HSPG2: variants seen among roughly 807,000 people sequenced by gnomAD.
HSPG2 encodes the protein basement membrane-specific heparan sulfate proteoglycan core protein.
Under a neutral mutation model 526.6 loss-of-function variants are expected in HSPG2, and 278 were observed. That is an observed-to-expected ratio of 0.53 (90% CI 0.48 to 0.58). The LOEUF (loss-of-function observed/expected upper bound fraction) is 0.58, where lower values mean the gene tolerates loss of function less well. Ranked by LOEUF, HSPG2 falls within the 20% of genes least tolerant of loss-of-function variation. The pLI is 0.00. For missense variants in HSPG2, 5,354 were observed against 6,099.5 expected (o/e 0.88, Z 4.07); for synonymous variants, 2,465 against 2,555.4 (o/e 0.96, Z 1.07).
At position 21,885,026 on chromosome 1, in the gene HSPG2, G is replaced by A. The variant is rs1641780117; in HGVS notation, c.1342C>T (p.Pro448Ser). 1.2e-6 allele frequency: 2 copies of A among 1,613,822 alleles called. No homozygotes were observed. The highest frequency in any genetic ancestry group is 8.5e-7 in the Non-Finnish European group (1 of 1,180,016). Residue 448 changes from proline to serine, a missense_variant, in exon 11 of 97, where the codon CCC (proline) becomes TCC (serine). Transcript: ENST00000374695. ...CCAGAGCCGCACCTGGGATGAGAGGGGATGTGGCCCCAGTTGAGCCTCCAA... is the reference window on the plus strand; with the variant it reads ...CCAGAGCCGCACCTGGGATGAGAGGAGATGTGGCCCCAGTTGAGCCTCCAA... ...INWRLNWGHIPSHPRVTVTSE... is the reference protein window; with the variant it reads ...INWRLNWGHISSHPRVTVTSE...
Position 21,833,305 on chromosome 1 carries a change from G to C in HSPG2, c.11058C>G (p.Phe3686Leu). 6.2e-7 allele frequency: 1 copy of C among 1,614,122 alleles called. No individual in the cohort carries two copies. Among genetic ancestry groups the C allele is most frequent in the Non-Finnish European group, 8.5e-7 (1 of 1,180,024 alleles). Residue 3686 changes from phenylalanine to leucine, a missense_variant, in exon 80 of 97, where the codon TTC becomes TTG. Phe to Leu is a conservative substitution (Grantham distance 22). Coordinates refer to ENST00000374695, the MANE Select transcript of HSPG2 (RefSeq NM_005529.7). ...CGGGCCGGAAGGTGATCTTGATCTC[G>C]AACTTCCTGTAGGCATCCTTGATGG... ...LPTIKDAYRK[F>L]EIKITFRPDS...
At position 21,833,795 on chromosome 1, in the gene HSPG2, G is replaced by C. The variant is rs777335091; in HGVS notation, c.10830+21C>G. 25 of 1,556,870 alleles carry C rather than the reference G, an allele frequency of 1.6e-5. No individual in the cohort carries two copies. The Middle Eastern group carries it at 5.0e-4, about 31-fold the overall frequency. ...TCCCAGCCCCCAAGTCATGCCCGCTGGTTCCCTCTCCAGCACTTACCTTGC... is the reference window on the plus strand; with the variant it reads ...TCCCAGCCCCCAAGTCATGCCCGCTCGTTCCCTCTCCAGCACTTACCTTGC... On this transcript the variant is annotated intron_variant, in intron 78 of 96. Transcript: ENST00000374695.
Position 21,823,214 on chromosome 1 carries a change from G to T in HSPG2, c.*102C>A. On this transcript the variant is annotated 3_prime_UTR_variant, in exon 97 of 97. Coordinates refer to ENST00000374695, the MANE Select transcript of HSPG2 (RefSeq NM_005529.7). ...GGCGGTAGCAGCAAAGCGTGGCATC[G>T]CCTCGGTTTCTTACAAAAATTCATA... 8.7e-7 allele frequency: 1 copy of T among 1,148,664 alleles called. No individual in the cohort carries two copies. Among genetic ancestry groups the T allele is most frequent in the Non-Finnish European group, 1.2e-6 (1 of 860,074 alleles). 71.2% of individuals were successfully genotyped at this position (1,148,664 alleles called of 1,614,324 possible).
chr1:21,884,511 C>A lies in HSPG2; in HGVS notation c.1654+17G>T. ...CACCTCCCACCTCCCGCAGCGCTCA[C>A]CCGCCCGCCAACGCACCCTTGAAGT... On this transcript the variant is annotated intron_variant, in intron 13 of 96. Coordinates refer to ENST00000374695, the MANE Select transcript of HSPG2 (RefSeq NM_005529.7). 6.2e-7 allele frequency: 1 copy of A among 1,610,960 alleles called. No individual in the cohort carries two copies. The highest frequency in any genetic ancestry group is 1.7e-5 in the Admixed American group (1 of 60,026).
rs1642930897 is a variant in HSPG2 at position 21,898,891 on chromosome 1, A to G, written c.64-2581T>C. On this transcript the variant is annotated intron_variant, in intron 1 of 96. Coordinates refer to ENST00000374695, the MANE Select transcript of HSPG2 (RefSeq NM_005529.7). This position sits in a 1 kb window ranked among gnomAD's most constrained non-coding sequence, Gnocchi z 4.0. ...AAGGAAAACCTAGCGGTGAATGATG[A>G]GCAAGGTCCAGAGCTTTTCCCAGGG... is the stretch of plus-strand genomic sequence containing the variant. Among the ~76,000 whole-genome samples the G allele has an allele frequency of 6.6e-6, 1 of 152,230 alleles. No homozygotes were observed. The highest frequency in any genetic ancestry group is 6.5e-5 in the Admixed American group (1 of 15,288).
intron 21 of HSPG2, 83 bp from the exon 22 acceptor site, chr1:21,876,735 T>A: frequency 1.3e-6 from 2 of 1,581,426 alleles, no homozygotes; most frequent in Admixed American, 3.4e-5. Flanking sequence ...TCAGTCCAGA[T>A]AAGAACCCAA....
In HSPG2 at chr1:21,887,235, C is replaced by A. The variant is rs758149916; in HGVS notation, c.1058G>T (p.Arg353Leu). 2.5e-6 allele frequency: 4 copies of A among 1,613,572 alleles called. No individual in the cohort carries two copies. The highest frequency in any genetic ancestry group is 1.3e-5 in the African/African-American group (1 of 74,876). ...RCDGDFDCED[R>L]TDEANCPTKR... ...CTCACGGCAGTTGGCTTCATCAGTT[C>A]GGTCCTCACAGTCAAAGTCACCATC... The change falls in exon 9 of 97, where the codon CGA (arginine) becomes CTA (leucine). Residue 353 changes from arginine to leucine, a missense_variant. Transcript: ENST00000374695. This position sits in a 1 kb window ranked among gnomAD's most constrained non-coding sequence, Gnocchi z 5.0.
Position 21,828,981 on chromosome 1 carries a change from C to A in HSPG2, c.12091G>T (p.Gly4031Cys). ...LNKDGSLRVN[G>C]GRPVLRSSPG... ...GAGGAGCGCAGCACAGGGCGTCCAC[C>A]ATTCACCCGCAGGCTGCCGTCCTTG... Residue 4031 changes from glycine to cysteine, a missense_variant, in exon 88 of 97, where the codon GGT (glycine) becomes TGT (cysteine). Gly to Cys is a radical substitution (Grantham distance 159). Transcript: ENST00000374695. The surrounding 1 kb of genome is among the most constrained non-coding windows in gnomAD (Gnocchi z 6.0). 6.4e-7 allele frequency: 1 copy of A among 1,574,560 alleles called. No individual in the cohort carries two copies. The highest frequency in any genetic ancestry group is 8.6e-7 in the Non-Finnish European group (1 of 1,160,456).
rs543047677 is a variant in HSPG2 at position 21,848,055 on chromosome 1, C to T, written c.7776G>A (p.Pro2592=). The T allele has an allele frequency of 2.6e-5, 42 of 1,612,782 alleles. No homozygotes were observed. The highest frequency in any genetic ancestry group is 1.8e-4 in the Admixed American group (11 of 59,920). Residue 2592 remains proline, a synonymous_variant, in exon 60 of 97, where the codon CCG becomes CCA. Coordinates refer to ENST00000374695, the MANE Select transcript of HSPG2 (RefSeq NM_005529.7). The surrounding 1 kb of genome is among the most constrained non-coding windows in gnomAD (Gnocchi z 4.9). ...GACACACGTACTCGCCCGAGTCTGC[C>T]GGAGTCACCTGAGGGATCCGCAGCC... ...GSRLRIPQVT[P]ADSGEYVCHV... is the part of the protein sequence containing the mutation.
At position 21,848,151 on chromosome 1, in the gene HSPG2, T is replaced by C; in HGVS notation, c.7738-58A>G. ...TAGGTGTGGGCAGCTCCTCCACATCTTGGGCACTGCTGCCGCTGCCCCTGG... is the reference window on the plus strand; with the variant it reads ...TAGGTGTGGGCAGCTCCTCCACATCCTGGGCACTGCTGCCGCTGCCCCTGG... On this transcript the variant is annotated intron_variant, in intron 59 of 96. Coordinates refer to ENST00000374695, the MANE Select transcript of HSPG2 (RefSeq NM_005529.7). This position sits in a 1 kb window ranked among gnomAD's most constrained non-coding sequence, Gnocchi z 4.9. The C allele has an allele frequency of 6.5e-7, 1 of 1,538,836 alleles. No individual in the cohort carries two copies. The highest frequency in any genetic ancestry group is 8.7e-7 in the Non-Finnish European group (1 of 1,143,248).
chr1:21,850,243 TG>T (rs1297191961), intron 56 of HSPG2, 51 bp from the exon 57 acceptor site: 1 of 1,610,684 alleles, frequency 6.2e-7, no homozygotes. Context: ...TGAGATGAGA[TG>T]GGGCTCCTGG....
Position 21,896,218 on chromosome 1 carries a change from G to A in HSPG2, c.156C>T (p.Tyr52=). 2 of 1,613,962 alleles carry A rather than the reference G, an allele frequency of 1.2e-6. No homozygotes were observed. Among genetic ancestry groups the A allele is most frequent in the South Asian group, 1.1e-5 (1 of 91,056 alleles). Residue 52 remains tyrosine (Y), a synonymous_variant, in exon 2 of 97, where the codon TAC becomes TAT. Coordinates refer to ENST00000374695, the MANE Select transcript of HSPG2 (RefSeq NM_005529.7). ...CCAGCATGTCCTCATCATCAGAAAG[G>A]TACGAATGTGTCCAGCGCATTTGGC... ...TASQMRWTHS[Y]LSDDEDMLAD...
rs764392896 is a variant in HSPG2, at chr1:21,872,311, G to A, written c.4096C>T (p.Arg1366Cys). 25 of 1,574,944 alleles carry A rather than the reference G, an allele frequency of 1.6e-5. No homozygotes were observed. Among genetic ancestry groups the A allele is most frequent in the East Asian group, 9.4e-5 (4 of 42,564 alleles). Residue 1366 changes from arginine to cysteine, a missense_variant, in exon 33 of 97, where the codon CGC becomes TGC. Physicochemically the swap from Arg to Cys is radical, Grantham distance 180. Transcript: ENST00000374695. This position sits in a 1 kb window ranked among gnomAD's most constrained non-coding sequence, Gnocchi z 5.5. ...FALVNPQRNS[R>C]LTGEFTVEPV... ...TCCACAGTGAATTCTCCTGTCAGGC[G>A]GCTGTTTCGCTGTGGGTTCACCAGG...
intron 3 of HSPG2, among the ~76,000 whole-genome samples, chr1:21,892,012 C>A (rs1572384810): frequency 6.6e-6 from 1 of 152,228 alleles, no homozygotes; most frequent in Non-Finnish European, 1.5e-5. Context: ...AGCCAAGCAT[C>A]CCTAATCCAA....
chr1:21,830,378 G>A, intron 85 of HSPG2: 1 of 476,608 alleles, frequency 2.1e-6, no homozygotes, highest in Non-Finnish European at 3.9e-6. Flanking sequence ...AATGGGGTGG[G>A]CACCTGGGTA....
In HSPG2 at chr1:21,875,758, G is replaced by C; in HGVS notation, c.3184-11C>G. 2 of 1,605,800 alleles carry C rather than the reference G, an allele frequency of 1.2e-6. No homozygotes were observed. The highest frequency in any genetic ancestry group is 4.5e-5 in the East Asian group (2 of 44,882). On this transcript the variant is annotated splice_polypyrimidine_tract_variant and intron_variant, in intron 24 of 96. Coordinates refer to ENST00000374695, the MANE Select transcript of HSPG2 (RefSeq NM_005529.7). ...CCGCTGCCATGCTTGCTGCCAAGGA[G>C]AGGACACATGTGCTCAGCCCCTGAC...
intron 74 of HSPG2, 143 bp from the exon 75 acceptor site, chr1:21,837,149 AGTGG>A: frequency 2.6e-6 from 2 of 769,454 alleles, no homozygotes; most frequent in Non-Finnish European, 4.4e-6. Flanking sequence ...AAGACCGTTC[AGTGG>A]CAGATTCATT....
chr1:21,850,296 G>A (rs1050601820), intron 56 of HSPG2, 67 bp downstream of exon 56: 69 of 1,607,286 alleles, frequency 4.3e-5, no homozygotes, highest in Admixed American at 1.5e-4. Context: ...TCCTGATCCT[G>A]CCGTTGCAAG....
At chr1:21,900,505 T>C (rs55823448) in intron 1 of HSPG2, among the ~76,000 whole-genome samples, 36,312 of 151,892 alleles carry the variant, frequency 0.24, 5,258 homozygotes, top group East Asian at 0.39. Context: ...TTAGGGACAA[T>C]GAATGCAGGC....
Sources: allele counts gnomAD v4.1 joint callset (sites outside exome capture counted in the v4.1 genomes callset), GRCh38; gene constraint gnomAD v4.1.1; non-coding constraint Gnocchi (gnomAD v3.1); transcripts MANE v1.5; gene names NCBI Gene and HGNC (gene_info 2026-07-23, HGNC 2026-07-21).